PARD3B: variants seen among roughly 807,000 people sequenced by gnomAD.
PARD3B encodes the protein partitioning defective 3 homolog B.
PARD3B carries 103 observed loss-of-function variants against 130.2 expected under a neutral mutation model. That is an observed-to-expected ratio of 0.79 (90% CI 0.67 to 0.93). PARD3B has a LOEUF of 0.93. Ranked by LOEUF, PARD3B falls within the 40% of genes least tolerant of loss-of-function variation. The probability of loss-of-function intolerance (pLI) is 0.00; values close to 1 mark genes in which losing one functional copy is unlikely to be tolerated. For missense variants in PARD3B, 1,609 were observed against 1,499.2 expected (o/e 1.07, Z -1.21); for synonymous variants, 583 against 553.2 (o/e 1.05, Z -0.76).
chr2:205,050,650 AT>A (rs1363546353), intron 4 of PARD3B, among the ~76,000 whole-genome samples: 1 of 152,142 alleles, frequency 6.6e-6, no homozygotes, highest in Non-Finnish European at 1.5e-5. Flanking sequence ...TGTGGAAATG[AT>A]AATATATTAG....
At chr2:204,550,183 A>T (rs2030341944) in intron 1 of PARD3B, among the ~76,000 whole-genome samples, 1 of 152,028 alleles carries the variant, frequency 6.6e-6, no homozygotes, top group Non-Finnish European at 1.5e-5. Context: ...CAGTGTTTGC[A>T]TGTAATCTAC....
At chr2:204,921,830 G>A (rs2047692034) in intron 2 of PARD3B, among the ~76,000 whole-genome samples, 1 of 152,142 alleles carries the variant, frequency 6.6e-6, no homozygotes. Flanking sequence ...CAATAAGTCA[G>A]ATAAGAGGTG....
chr2:205,314,914 T>C (rs898951336), intron 18 of PARD3B, among the ~76,000 whole-genome samples: 22 of 152,116 alleles, frequency 1.4e-4, no homozygotes, highest in African/African-American at 5.3e-4. Flanking sequence ...CCCCTTCCCA[T>C]CTCCACCCTT....
intron 3 of PARD3B, among the ~76,000 whole-genome samples, chr2:205,001,107 G>T (rs1004828583): frequency 6.6e-6 from 1 of 152,110 alleles, no homozygotes; most frequent in African/African-American, 2.4e-5. Context: ...TCCTGCCTCA[G>T]CCTCCCTAGT....
chr2:204,893,051 T>A (rs1293911496), intron 2 of PARD3B, among the ~76,000 whole-genome samples: 1 of 152,148 alleles, frequency 6.6e-6, no homozygotes, highest in African/African-American at 2.4e-5. Flanking sequence ...TGAATGTAGG[T>A]CTGTGACTTA....
At chr2:204,692,916 G>A (rs1052705106) in intron 2 of PARD3B, among the ~76,000 whole-genome samples, 11 of 152,042 alleles carry the variant, frequency 7.2e-5, no homozygotes, top group African/African-American at 2.7e-4. Flanking sequence ...TACCCAGGAA[G>A]AGGTTATAGA....
intron 18 of PARD3B, among the ~76,000 whole-genome samples, chr2:205,357,644 C>T (rs1021984942): frequency 4.8e-5 from 6 of 125,126 alleles, no homozygotes; most frequent in African/African-American, 1.5e-4. Context: ...TGGAAGAATA[C>T]TTGAGAGTTT....
intron 15 of PARD3B, among the ~76,000 whole-genome samples, chr2:205,194,214 G>A (rs2036549720): frequency 6.6e-6 from 1 of 152,156 alleles, no homozygotes; most frequent in African/African-American, 2.4e-5. Context: ...AATCAAAAGT[G>A]CGTGCTCCAC....
chr2:204,846,796 A>G (rs940122900), intron 2 of PARD3B, among the ~76,000 whole-genome samples: 1 of 151,738 alleles, frequency 6.6e-6, no homozygotes, highest in East Asian at 1.9e-4. Flanking sequence ...CTTGTTGAGA[A>G]AAAAATTAAT....
intron 16 of PARD3B, among the ~76,000 whole-genome samples, chr2:205,295,178 G>A: frequency 6.6e-6 from 1 of 152,092 alleles, no homozygotes; most frequent in East Asian, 1.9e-4. Context: ...ACTCCTACTT[G>A]GAATTTACAA....
At chr2:205,489,405 A>G (rs2049579132) in intron 20 of PARD3B, among the ~76,000 whole-genome samples, 1 of 151,630 alleles carries the variant, frequency 6.6e-6, no homozygotes, top group Non-Finnish European at 1.5e-5. Context: ...TGAGCTCAGG[A>G]GTTCGAGGTT....
chr2:204,711,471 A>G (rs2038430264), intron 2 of PARD3B, among the ~76,000 whole-genome samples: 1 of 152,180 alleles, frequency 6.6e-6, no homozygotes, highest in Admixed American at 6.5e-5. Flanking sequence ...GGTATATGTG[A>G]TCTCTGTGTT....
At chr2:204,556,674 T>C (rs950714487) in intron 1 of PARD3B, among the ~76,000 whole-genome samples, 1 of 152,192 alleles carries the variant, frequency 6.6e-6, no homozygotes, top group African/African-American at 2.4e-5. Flanking sequence ...CCTTGGGTGC[T>C]GCCCTAAGGG....
At chr2:204,607,624 TA>T (rs35491008) in intron 1 of PARD3B, among the ~76,000 whole-genome samples, 3,154 of 151,786 alleles carry the variant, frequency 0.021, 116 homozygotes, top group East Asian at 0.13. Context: ...AAAATTATTT[TA>T]AAAAAAAGGA....
chr2:204,637,499 G>A (rs1190835049), intron 1 of PARD3B, among the ~76,000 whole-genome samples: 2 of 152,052 alleles, frequency 1.3e-5, no homozygotes, highest in Non-Finnish European at 2.9e-5. Context: ...AGCTGTTCCT[G>A]TATCAGAAGT....
Position 205,288,178 on chromosome 2 carries a change from TAGCAGGCAG to T in PARD3B, c.2186-12351_2186-12343del, listed in dbSNP as rs578069383. On this transcript the variant is annotated intron_variant, in intron 16 of 22. Transcript: ENST00000406610. The surrounding 1 kb of genome is among the most constrained non-coding windows in gnomAD (Gnocchi z 4.0). ...GCCATGCCAGGAGGAAGCCTAGGGG[TAGCAGGCAG>T]TGCCCCCTGTCCCGTCCACCCAGAC... 2.2e-3 allele frequency among the ~76,000 whole-genome samples: 332 copies of T among 152,090 alleles called. 1 individual carries two copies. The highest frequency in any genetic ancestry group is 3.8e-3 in the Non-Finnish European group (258 of 67,978).
intron 3 of PARD3B, among the ~76,000 whole-genome samples, chr2:204,971,449 AACCCAGAGTTAAAATT>A (rs1205128729): frequency 6.6e-6 from 1 of 152,250 alleles, no homozygotes; most frequent in Non-Finnish European, 1.5e-5. Flanking sequence ...TAGGCTGTGA[AACCCAGAGTTAAAATT>A]ACCCAGAGTT....
chr2:205,232,666 A>C (rs2038901208), intron 15 of PARD3B, among the ~76,000 whole-genome samples: 2 of 152,228 alleles, frequency 1.3e-5, no homozygotes, highest in Admixed American at 6.5e-5. Context: ...CAAAAGCCAA[A>C]GGAAAATTGA....
At chr2:205,246,514 A>G (rs530583783) in intron 16 of PARD3B, among the ~76,000 whole-genome samples, 1 of 152,342 alleles carries the variant, frequency 6.6e-6, no homozygotes, top group Admixed American at 6.5e-5. Context: ...TAAGCTAGCA[A>G]ATAGTGGAGT....
Sources: gnomAD v4.1 joint callset for allele counts (sites outside exome capture counted in the v4.1 genomes callset) on GRCh38, gnomAD v4.1.1 for gene constraint, Gnocchi (gnomAD v3.1) non-coding constraint, MANE v1.5 for transcripts, NCBI Gene and HGNC (gene_info 2026-07-23, HGNC 2026-07-21) for gene names.